Variants in SMC4 observed in about 807,000 individuals in gnomAD.
SMC4 encodes structural maintenance of chromosomes protein 4.
In SMC4, 87 loss-of-function variants were observed where a neutral mutation model predicts 145.6. That is an observed-to-expected ratio of 0.60 (90% confidence interval 0.50 to 0.71). SMC4 has a LOEUF of 0.71. Among genes scored for constraint, SMC4 ranks in the 30% least tolerant of loss-of-function variants. SMC4 has a pLI of 0.00. For synonymous variants in SMC4, 558 were observed against 500.7 expected, an observed-to-expected ratio of 1.11 and a Z score of -1.53; for missense variants, 1,447 against 1,537.1, an observed-to-expected ratio of 0.94 and a Z score of 0.98.
chr3:160,432,654 A>G, intron 22 of SMC4, 139 bp downstream of exon 22: 1 of 588,396 alleles, frequency 1.7e-6, no homozygotes, highest in Non-Finnish European at 2.9e-6. Flanking sequence ...ATTTGCTTGC[A>G]TGCTATTTAT....
chr3:160,408,756 A>G (rs1301067173), intron 5 of SMC4, among the ~76,000 whole-genome samples: 1 of 152,202 alleles, frequency 6.6e-6, no homozygotes, highest in African/African-American at 2.4e-5. Context: ...CAATCTACAG[A>G]TTACATAGGA....
rs1020920692 is a variant in SMC4 at position 160,413,520 on chromosome 3, A to G, written c.1028A>G (p.Lys343Arg). 2 of 1,593,010 alleles carry G rather than the reference A, an allele frequency of 1.3e-6. No homozygotes were observed. The highest frequency in any genetic ancestry group is 2.3e-5 in the South Asian group (2 of 86,520). Residue 343 changes from lysine to arginine, a missense_variant, in exon 8 of 24, where the codon AAA becomes AGA. Physicochemically the swap from Lys to Arg is conservative, Grantham distance 26. Coordinates refer to ENST00000357388, the MANE Select transcript of SMC4 (RefSeq NM_001002800.3). ...RIAEMETQKE[K>R]IHEDTKEINE... ...GCTGAAATGGAAACTCAAAAGGAAA[A>G]AATTCATGAAGATACCAAAGAAATT...
At chr3:160,409,790 G>A (rs1166857709) in intron 5 of SMC4, among the ~76,000 whole-genome samples, 2 of 152,200 alleles carry the variant, frequency 1.3e-5, no homozygotes, top group African/African-American at 4.8e-5. Flanking sequence ...TTCTAGACTA[G>A]GCATGGTGGG....
At chr3:160,421,942 A>G (rs1717228016) in intron 13 of SMC4, among the ~76,000 whole-genome samples, 1 of 152,186 alleles carries the variant, frequency 6.6e-6, no homozygotes, top group Non-Finnish European at 1.5e-5. Flanking sequence ...CTGTAGATTT[A>G]TCTACATATA....
At chr3:160,415,336 C>T (rs752374702) in intron 9 of SMC4, among the ~76,000 whole-genome samples, 2 of 152,152 alleles carry the variant, frequency 1.3e-5, no homozygotes, top group African/African-American at 2.4e-5. Flanking sequence ...TGCATCCAGC[C>T]TGGGTGACAA....
intron 5 of SMC4, among the ~76,000 whole-genome samples, chr3:160,406,447 A>G (rs573915348): frequency 2.0e-5 from 3 of 152,072 alleles, no homozygotes; most frequent in Non-Finnish European, 4.4e-5. Context: ...CTAACTGGCA[A>G]TTTAAAGCAT....
chr3:160,427,491 T>G (rs1050477046), intron 17 of SMC4, among the ~76,000 whole-genome samples: 1 of 152,204 alleles, frequency 6.6e-6, no homozygotes, highest in African/African-American at 2.4e-5. Context: ...TGATGGTCAA[T>G]TGAGAAGCCA....
At chr3:160,421,820 ACTAT>A (rs1318719702) in intron 13 of SMC4, among the ~76,000 whole-genome samples, 1 of 152,196 alleles carries the variant, frequency 6.6e-6, no homozygotes, top group Admixed American at 6.5e-5. Context: ...ACCCATGACC[ACTAT>A]CTAATTCCAA....
At chr3:160,414,602 A>G (rs1189961015) in intron 9 of SMC4, 85 bp downstream of exon 9, 1 of 1,240,724 alleles carries the variant, frequency 8.1e-7, no homozygotes, top group Non-Finnish European at 1.1e-6. Flanking sequence ...TTATTGCCTA[A>G]GAGAATGAAT....
chr3:160,424,845 T>G (rs777974883), intron 15 of SMC4, 22 bp from the exon 16 acceptor site: 2 of 1,612,752 alleles, frequency 1.2e-6, no homozygotes, highest in Non-Finnish European at 1.7e-6. Flanking sequence ...GAAATGGCTC[T>G]TAGAGAAAAC....
At chr3:160,416,866 C>T (rs1576965065) in intron 10 of SMC4, among the ~76,000 whole-genome samples, 1 of 152,000 alleles carries the variant, frequency 6.6e-6, no homozygotes, top group Non-Finnish European at 1.5e-5. Flanking sequence ...GTTCTTGTGC[C>T]GGTTGTCATA....
rs1716053509 is a variant in SMC4, at chr3:160,412,094, C to G, written c.852+10C>G. On this transcript the variant is annotated intron_variant, in intron 6 of 23. Transcript: ENST00000357388. ...ACACAGAGGAGAGAAGGTGAATCATCTGTAGACTTTCATTGTAAATCAGAA... is the reference window on the plus strand; with the variant it reads ...ACACAGAGGAGAGAAGGTGAATCATGTGTAGACTTTCATTGTAAATCAGAA... The G allele has an allele frequency of 1.2e-6, 2 of 1,604,702 alleles. No individual in the cohort carries two copies. The highest frequency in any genetic ancestry group is 2.2e-5 in the South Asian group (2 of 90,144).
chr3:160,428,980 C>G (rs1453557736), intron 18 of SMC4, 38 bp downstream of exon 18: 1 of 1,494,602 alleles, frequency 6.7e-7, no homozygotes, highest in Non-Finnish European at 9.0e-7. Context: ...TTTTCCCTTT[C>G]CCTGCCTTCA....
intron 5 of SMC4, among the ~76,000 whole-genome samples, chr3:160,405,056 A>G (rs1715171243): frequency 6.6e-6 from 1 of 152,006 alleles, no homozygotes; most frequent in Non-Finnish European, 1.5e-5. Context: ...CCTTTACTCA[A>G]GTTGGTTTTT....
At chr3:160,408,696 T>TAA (rs1715621838) in intron 5 of SMC4, among the ~76,000 whole-genome samples, 1 of 152,214 alleles carries the variant, frequency 6.6e-6, no homozygotes, top group Non-Finnish European at 1.5e-5. Context: ...TTACATGAGT[T>TAA]ATGTAAGTTT....
Position 160,413,457 on chromosome 3 carries a change from T to C in SMC4, c.981-16T>C, listed in dbSNP as rs1169781728. 5 of 1,570,998 alleles carry C rather than the reference T, an allele frequency of 3.2e-6. No homozygotes were observed. Among genetic ancestry groups the C allele is most frequent in the Non-Finnish European group, 2.6e-6 (3 of 1,167,814 alleles). ...TTAGGAGCTTCAATTTCTTTTTTTT[T>C]TTTTCCTCCCTATAGTTATGAGTTG... is the stretch of plus-strand genomic sequence containing the variant. On this transcript the variant is annotated splice_polypyrimidine_tract_variant and intron_variant, in intron 7 of 23. Transcript: ENST00000357388.
chr3:160,426,332 G>A (rs1717793264), intron 17 of SMC4, 132 bp downstream of exon 17: 2 of 717,552 alleles, frequency 2.8e-6, no homozygotes, highest in Admixed American at 2.7e-5. Flanking sequence ...TATGGTGTTT[G>A]TTATAAAGTA....
chr3:160,429,290 G>A (rs938842429), intron 18 of SMC4, among the ~76,000 whole-genome samples: 2 of 151,976 alleles, frequency 1.3e-5, no homozygotes, highest in Non-Finnish European at 2.9e-5. Flanking sequence ...AAGTAAAAGA[G>A]GTAAAAATGG....
At chr3:160,417,191 A>T (rs1716677743) in intron 10 of SMC4, among the ~76,000 whole-genome samples, 1 of 152,196 alleles carries the variant, frequency 6.6e-6, no homozygotes, top group Non-Finnish European at 1.5e-5. Flanking sequence ...TTGGCATATC[A>T]ACATGTTCTA....
Sources: gnomAD v4.1 joint callset for allele counts (sites outside exome capture counted in the v4.1 genomes callset) on GRCh38, gnomAD v4.1.1 for gene constraint, MANE v1.5 for transcripts, NCBI Gene and HGNC (gene_info 2026-07-23, HGNC 2026-07-21) for gene names.